The following PTPRE variants were observed in gnomAD, a reference collection of about 807,000 sequenced individuals.
The protein encoded by PTPRE is receptor-type tyrosine-protein phosphatase epsilon.
A neutral mutation model predicts 102.0 loss-of-function variants in PTPRE; 51 were observed. That is an observed-to-expected ratio of 0.50 (90% CI 0.40 to 0.63). PTPRE has a LOEUF of 0.63. PTPRE is among the 30% of genes least tolerant of loss of function. The pLI, the probability that PTPRE is intolerant of heterozygous loss-of-function variation, is 0.00. For missense variants in PTPRE, 752 were observed against 915.1 expected (o/e 0.82, Z 2.30); for synonymous variants, 345 against 348.2 (o/e 0.99, Z 0.10).
At chr10:127,953,812 ATCT>A (rs1849211367) in intron 1 of PTPRE, among the ~76,000 whole-genome samples, 1 of 152,294 alleles carries the variant, frequency 6.6e-6, no homozygotes, top group South Asian at 2.1e-4. Context: ...GTGAAGGGAA[ATCT>A]TCTCAATGGG....
intron 2 of PTPRE, among the ~76,000 whole-genome samples, chr10:127,995,355 C>T (rs1191479580): frequency 6.6e-6 from 1 of 152,194 alleles, no homozygotes; most frequent in African/African-American, 2.4e-5. Context: ...TGTCAAGTGG[C>T]CCATGCTACC....
Position 128,070,018 on chromosome 10 carries a change from CT to C in PTPRE, c.1143+192del. 2 of 818,994 alleles carry C rather than the reference CT, an allele frequency of 2.4e-6. No homozygotes were observed. Among genetic ancestry groups the C allele is most frequent in the East Asian group, 5.3e-5 (2 of 37,396 alleles). The allele number at this position is 818,994 out of a possible 1,614,324, so 50.7% of individuals were successfully genotyped here. ...GGGACTCCCTCGTCCTCATCTTTCC[CT>C]CGTATCCTCATGTGAGATGGGGCAA... On this transcript the variant is annotated intron_variant, in intron 13 of 20. Coordinates refer to ENST00000254667, the MANE Select transcript of PTPRE (RefSeq NM_006504.6). The surrounding 1 kb of genome is among the most constrained non-coding windows in gnomAD (Gnocchi z 4.8).
At chr10:128,057,260 G>A (rs554639076) in intron 7 of PTPRE, among the ~76,000 whole-genome samples, 8 of 151,032 alleles carry the variant, frequency 5.3e-5, no homozygotes, top group South Asian at 4.2e-4. Context: ...GGGGCGGGGC[G>A]TGCAGTTGGG....
chr10:128,082,760 G>A, intron 20 of PTPRE, 72 bp from the exon 21 acceptor site: 1 of 1,472,628 alleles, frequency 6.8e-7, no homozygotes, highest in Non-Finnish European at 9.0e-7. Context: ...TCTTGTTTTT[G>A]AGTATTTCTC....
chr10:127,972,701 C>G (rs1443448344), intron 1 of PTPRE, among the ~76,000 whole-genome samples: 1 of 152,224 alleles, frequency 6.6e-6, no homozygotes, highest in African/African-American at 2.4e-5. Context: ...GGTGGAGGGG[C>G]TGACCAAGGT....
intron 2 of PTPRE, chr10:127,999,697 T>A: frequency 1.0e-6 from 1 of 984,342 alleles, no homozygotes; most frequent in Non-Finnish European, 1.2e-6. Context: ...TTTAAGCATT[T>A]ATTTCAACTC....
chr10:127,913,591 T>C (rs977493914), intron 1 of PTPRE, among the ~76,000 whole-genome samples: 3 of 152,248 alleles, frequency 2.0e-5, no homozygotes, highest in Non-Finnish European at 4.4e-5. Context: ...AGGACTTTCA[T>C]AGGTCTGCGG....
intron 3 of PTPRE, among the ~76,000 whole-genome samples, chr10:128,046,413 C>T (rs531182297): frequency 3.1e-4 from 47 of 152,276 alleles, no homozygotes; most frequent in African/African-American, 9.9e-4. Context: ...GTTGGAAGCC[C>T]GGTCGTTGCC....
At chr10:127,954,050 A>G (rs1012544839) in intron 1 of PTPRE, among the ~76,000 whole-genome samples, 11 of 152,250 alleles carry the variant, frequency 7.2e-5, no homozygotes, top group African/African-American at 2.2e-4. Context: ...GTTCCATATC[A>G]ATGCCTACCA....
chr10:127,971,062 A>G (rs1318434341), intron 1 of PTPRE, among the ~76,000 whole-genome samples: 1 of 152,194 alleles, frequency 6.6e-6, no homozygotes, highest in Non-Finnish European at 1.5e-5. Context: ...ACACAGCGGC[A>G]GAGGTCTCTG....
At chr10:128,038,120 G>C (rs928486658) in intron 2 of PTPRE, among the ~76,000 whole-genome samples, 39 of 152,278 alleles carry the variant, frequency 2.6e-4, no homozygotes, top group African/African-American at 9.4e-4. Context: ...TTTAATCACT[G>C]TTTCAAGCAT....
intron 1 of PTPRE, among the ~76,000 whole-genome samples, chr10:127,973,565 A>G (rs1331942475): frequency 6.6e-6 from 1 of 152,024 alleles, no homozygotes; most frequent in Non-Finnish European, 1.5e-5. Context: ...CGATTGGCAG[A>G]TTTTTCATTC....
At chr10:127,989,533 T>C (rs1046562213) in intron 2 of PTPRE, among the ~76,000 whole-genome samples, 1 of 152,148 alleles carries the variant, frequency 6.6e-6, no homozygotes, top group African/African-American at 2.4e-5. Context: ...AAGTGAGTTG[T>C]AGGACAGTGG....
At chr10:128,022,878 A>T (rs76297630) in intron 2 of PTPRE, among the ~76,000 whole-genome samples, 1 of 152,108 alleles carries the variant, frequency 6.6e-6, no homozygotes, top group Non-Finnish European at 1.5e-5. Context: ...CTCCAAAGTC[A>T]CCCTTGGAAT....
intron 2 of PTPRE, among the ~76,000 whole-genome samples, chr10:128,017,720 G>T (rs542456723): frequency 6.6e-6 from 1 of 152,290 alleles, no homozygotes; most frequent in East Asian, 1.9e-4. Flanking sequence ...TATCCAAGGG[G>T]CTTCACTGCC....
At chr10:127,948,446 A>G (rs1404051300) in intron 1 of PTPRE, among the ~76,000 whole-genome samples, 1 of 152,182 alleles carries the variant, frequency 6.6e-6, no homozygotes, top group Non-Finnish European at 1.5e-5. Flanking sequence ...TATGACATGT[A>G]TCCACCATGG....
intron 2 of PTPRE, among the ~76,000 whole-genome samples, chr10:128,031,730 C>A (rs1412092170): frequency 6.6e-6 from 1 of 152,166 alleles, no homozygotes; most frequent in African/African-American, 2.4e-5. Flanking sequence ...AGGTGTGAAT[C>A]TTCAGGGCAG....
chr10:128,005,552 G>GA (rs1237575908), intron 2 of PTPRE, among the ~76,000 whole-genome samples: 1 of 152,138 alleles, frequency 6.6e-6, no homozygotes, highest in Non-Finnish European at 1.5e-5. Context: ...TTTGATGTCT[G>GA]AAAAAATGGG....
At chr10:127,930,061 CAAAAAAA>C (rs941241176) in intron 1 of PTPRE, among the ~76,000 whole-genome samples, 2 of 72,890 alleles carry the variant, frequency 2.7e-5, no homozygotes, top group African/African-American at 1.0e-4. Flanking sequence ...GATTCCATCT[CAAAAAAA>C]AAAAAAAAAA....
Sources: allele counts gnomAD v4.1 joint callset (sites outside exome capture counted in the v4.1 genomes callset), GRCh38; gene constraint gnomAD v4.1.1; non-coding constraint Gnocchi (gnomAD v3.1); transcripts MANE v1.5; gene names NCBI Gene and HGNC (gene_info 2026-07-23, HGNC 2026-07-21).